Variants in EIF3A observed in about 807,000 individuals in gnomAD.
The protein encoded by EIF3A is eukaryotic translation initiation factor 3 subunit A.
In EIF3A, 21 loss-of-function variants were observed where a neutral mutation model predicts 186.6. The ratio of observed to expected loss-of-function variants is 0.11; its 90% CI spans 0.08 to 0.16. The LOEUF is 0.16. Among genes scored for constraint, EIF3A ranks in the 10% least tolerant of loss-of-function variants. The pLI, the probability that EIF3A is intolerant of heterozygous loss-of-function variation, is 1.00. For synonymous variants in EIF3A, 563 were observed against 584.3 expected (o/e 0.96, Z 0.52); for missense variants, 1,306 against 1,796.3 (o/e 0.73, Z 4.93).
chr10:119,038,012 G>A (rs1219347201), intron 20 of EIF3A, among the ~76,000 whole-genome samples: 1 of 150,676 alleles, frequency 6.6e-6, no homozygotes, highest in Non-Finnish European at 1.5e-5. Context: ...TGCCTCCCGG[G>A]TTCAAGCAAT....
In EIF3A at chr10:119,035,788, T is replaced by C. The variant is rs1848119871; in HGVS notation, c.*251A>G. On this transcript the variant is annotated 3_prime_UTR_variant, in exon 22 of 22. Coordinates refer to ENST00000369144, the MANE Select transcript of EIF3A (RefSeq NM_003750.4). ...TAAATTTATTTTTTAGTTTTTCTTT[T>C]TTGTCAACAAATGATTGATGAAATA... 1 of 400,974 alleles carries C rather than the reference T, an allele frequency of 2.5e-6. No homozygotes were observed. The highest frequency in any genetic ancestry group is 4.4e-6 in the Non-Finnish European group (1 of 225,544). The allele number at this position is 400,974 out of a possible 1,614,324, so 24.8% of individuals were successfully genotyped here.
intron 4 of EIF3A, among the ~76,000 whole-genome samples, chr10:119,072,482 T>C (rs568449199): frequency 6.6e-6 from 1 of 152,006 alleles, no homozygotes; most frequent in Non-Finnish European, 1.5e-5. Context: ...TGAGACAGAG[T>C]CTTGCTGTTA....
chr10:119,053,601 T>C (rs895172734), intron 14 of EIF3A, among the ~76,000 whole-genome samples: 1 of 148,066 alleles, frequency 6.8e-6, no homozygotes, highest in Admixed American at 6.7e-5. Flanking sequence ...GGTGCATGCC[T>C]GTGGTCGCAG....
chr10:119,062,458 T>C (rs768232405), intron 7 of EIF3A, among the ~76,000 whole-genome samples: 10 of 152,198 alleles, frequency 6.6e-5, no homozygotes, highest in Non-Finnish European at 8.8e-5. Context: ...GTATTGACCT[T>C]GGATATATGG....
At chr10:119,079,954 T>C (rs1283229344) in intron 1 of EIF3A, among the ~76,000 whole-genome samples, 1 of 152,188 alleles carries the variant, frequency 6.6e-6, no homozygotes, top group Non-Finnish European at 1.5e-5. Flanking sequence ...AAACAGGCTT[T>C]AGGACTGCTT....
At chr10:119,041,854 G>T (rs1052699307) in intron 19 of EIF3A, 140 bp downstream of exon 19, 2 of 910,278 alleles carry the variant, frequency 2.2e-6, no homozygotes, top group South Asian at 1.8e-5. Flanking sequence ...TTTTGACAGC[G>T]AAGTCACTGC....
rs186062119 is a variant in EIF3A, at chr10:119,038,689, C to T, written c.3527-250G>A. ...CTGTAATCCCAGCACTTTTGGAGAC[C>T]GAGCCAGGTGGATCACTTAAGGTCA... On this transcript the variant is annotated intron_variant, in intron 19 of 21. Coordinates refer to ENST00000369144, the MANE Select transcript of EIF3A (RefSeq NM_003750.4). Among the ~76,000 whole-genome samples the T allele has an allele frequency of 2.0e-3, 298 of 152,140 alleles. 3 individuals carry two copies. The highest frequency in any genetic ancestry group is 6.4e-3 in the African/African-American group (266 of 41,506).
At chr10:119,055,500 G>GT (rs556069843) in intron 14 of EIF3A, among the ~76,000 whole-genome samples, 3 of 152,106 alleles carry the variant, frequency 2.0e-5, no homozygotes, top group Non-Finnish European at 4.4e-5. Context: ...TGGAAAAATG[G>GT]TGTCAACAGA....
At chr10:119,050,787 A>G in intron 15 of EIF3A, 113 bp from the exon 16 acceptor site, 1 of 1,162,564 alleles carries the variant, frequency 8.6e-7, no homozygotes, top group Non-Finnish European at 1.2e-6. Context: ...AATCATCGAA[A>G]GCAACCTCTC....
chr10:119,059,795 A>T, intron 9 of EIF3A, 77 bp from the exon 10 acceptor site: 2 of 923,518 alleles, frequency 2.2e-6, no homozygotes, highest in Admixed American at 1.8e-5. Context: ...CATGACAGTC[A>T]TGGGAAGTAG....
In EIF3A at chr10:119,042,480, C is replaced by T; in HGVS notation, c.3040G>A (p.Asp1014Asn). ...EDRGNWRHAD[D>N]DRPPRRGLDE... is the part of the protein sequence containing the mutation. Reference sequence around the variant, plus strand: ...AGTCCTCGTCTAGGTGGTCTGTCATCATCCGCATGACGCCAGTTTCCCCTG... The same window carrying T: ...AGTCCTCGTCTAGGTGGTCTGTCATTATCCGCATGACGCCAGTTTCCCCTG... The change falls in exon 19 of 22, where the codon GAT (aspartate) becomes AAT (asparagine). Residue 1014 changes from aspartate to asparagine, a missense_variant. Asp to Asn is a conservative substitution (Grantham distance 23). This residue lies in a region of EIF3A where 410 missense variants were observed against 473.5 expected (regional missense o/e 0.87). Coordinates refer to ENST00000369144, the MANE Select transcript of EIF3A (RefSeq NM_003750.4). The surrounding 1 kb of genome is among the most constrained non-coding windows in gnomAD (Gnocchi z 7.8). The T allele has an allele frequency of 6.2e-7, 1 of 1,614,198 alleles. No individual in the cohort carries two copies. The highest frequency in any genetic ancestry group is 8.5e-7 in the Non-Finnish European group (1 of 1,180,050).
intron 17 of EIF3A, among the ~76,000 whole-genome samples, chr10:119,046,142 A>T (rs1589686672): frequency 6.6e-6 from 1 of 152,194 alleles, no homozygotes; most frequent in African/African-American, 2.4e-5. Context: ...ATCTAAACAC[A>T]GTCTTAGGGA....
chr10:119,057,863 C>T, intron 12 of EIF3A, 93 bp downstream of exon 12: 2 of 965,882 alleles, frequency 2.1e-6, no homozygotes, highest in Admixed American at 2.3e-5. Context: ...CATGAAATAA[C>T]CCAGTAAGCC....
chr10:119,077,824 A>G (rs1275116965), intron 1 of EIF3A, among the ~76,000 whole-genome samples: 3 of 152,128 alleles, frequency 2.0e-5, no homozygotes, highest in Admixed American at 1.3e-4. Context: ...AAGTGCTGGG[A>G]TTACAGGCAT....
At chr10:119,078,951 AAAAAAAATACCTGTTGGGC>A (rs1844219339) in intron 1 of EIF3A, among the ~76,000 whole-genome samples, 1 of 152,122 alleles carries the variant, frequency 6.6e-6, no homozygotes, top group African/African-American at 2.4e-5. Context: ...AGCACGGGGA[AAAAAAAATACCTGTTGGGC>A]AAAGCATGCA....
chr10:119,050,218 A>G (rs2119818640), intron 16 of EIF3A, among the ~76,000 whole-genome samples: 1 of 152,330 alleles, frequency 6.6e-6, no homozygotes, highest in African/African-American at 2.4e-5. Flanking sequence ...GCAATCTGGG[A>G]TTCCAGATAT....
rs192480106 is a variant in EIF3A at position 119,065,855 on chromosome 10, G to A, written c.951-285C>T. On this transcript the variant is annotated intron_variant, in intron 6 of 21. Coordinates refer to ENST00000369144, the MANE Select transcript of EIF3A (RefSeq NM_003750.4). The stretch of plus-strand genomic sequence containing the variant: ...TGATTGACCAGGCGCGGTGGCTCAC[G>A]CCTGTAATCCCAGCACTTTGGGAGG... Among the ~76,000 whole-genome samples the A allele has an allele frequency of 1.1e-4, 17 of 152,308 alleles. No individual in the cohort carries two copies. In the South Asian group the frequency reaches 1.2e-3, roughly 11 times the overall value.
rs1848115714 is a variant in EIF3A, at chr10:119,035,532, A to T, written c.*507T>A. On this transcript the variant is annotated 3_prime_UTR_variant, in exon 22 of 22. Coordinates refer to ENST00000369144, the MANE Select transcript of EIF3A (RefSeq NM_003750.4). Reference sequence around the variant, plus strand: ...TGTTTACTTCAAGTGAATCTAAAAAATTTCTAAATTTAGTTTATGGTAAAT... The same window carrying T: ...TGTTTACTTCAAGTGAATCTAAAAATTTTCTAAATTTAGTTTATGGTAAAT... 1 of 152,492 alleles carries T rather than the reference A, an allele frequency of 6.6e-6. No homozygotes were observed. The highest frequency in any genetic ancestry group is 1.5e-5 in the Non-Finnish European group (1 of 68,194). 9.4% of individuals were successfully genotyped at this position (152,492 alleles called of 1,614,324 possible). A position where few individuals can be genotyped will look rare whatever the true frequency, so the allele number is the denominator to read the frequency against.
intron 4 of EIF3A, among the ~76,000 whole-genome samples, chr10:119,071,429 C>T (rs915558094): frequency 3.3e-4 from 50 of 152,068 alleles, no homozygotes; most frequent in Admixed American, 2.3e-3. Context: ...ATATAATGAA[C>T]TTTGATATCT....
Sources: allele counts gnomAD v4.1 joint callset (sites outside exome capture counted in the v4.1 genomes callset), GRCh38; gene constraint gnomAD v4.1.1; regional missense constraint gnomAD v4.1.1; non-coding constraint Gnocchi (gnomAD v3.1); transcripts MANE v1.5; gene names NCBI Gene and HGNC (gene_info 2026-07-23, HGNC 2026-07-21).